Variants in MAN1A1 observed in about 807,000 individuals in gnomAD.
MAN1A1 encodes the protein mannosyl-oligosaccharide 1,2-alpha-mannosidase IA.
Under a neutral mutation model 70.8 loss-of-function variants are expected in MAN1A1, and 29 were observed. The observed-to-expected ratio is 0.41, with a 90% CI of 0.31 to 0.56. MAN1A1 has a LOEUF of 0.56. Among genes scored for constraint, MAN1A1 ranks in the 20% least tolerant of loss-of-function variants. The pLI is 0.29. For synonymous variants in MAN1A1, 349 were observed against 330.1 expected (o/e 1.06, Z -0.62); for missense variants, 747 against 841.3 (o/e 0.89, Z 1.39).
chr6:119,338,137 C>T (rs1773509214), intron 2 of MAN1A1, among the ~76,000 whole-genome samples: 2 of 151,056 alleles, frequency 1.3e-5, no homozygotes, highest in Non-Finnish European at 2.9e-5. Flanking sequence ...TGTCTAACCA[C>T]AATTTATAAA....
chr6:119,223,964 T>C (rs770385829), intron 6 of MAN1A1, among the ~76,000 whole-genome samples: 12 of 152,074 alleles, frequency 7.9e-5, no homozygotes, highest in Non-Finnish European at 1.6e-4. Flanking sequence ...TTAGTAAGAA[T>C]TTGAGTTAAA....
At chr6:119,263,490 G>A (rs528512070) in intron 5 of MAN1A1, among the ~76,000 whole-genome samples, 1 of 152,192 alleles carries the variant, frequency 6.6e-6, no homozygotes, top group East Asian at 1.9e-4. Flanking sequence ...CACAGACACC[G>A]GGGCCTTCTT....
chr6:119,345,971 T>C (rs914056569), intron 2 of MAN1A1, among the ~76,000 whole-genome samples: 1 of 152,130 alleles, frequency 6.6e-6, no homozygotes, highest in Non-Finnish European at 1.5e-5. Flanking sequence ...CTGGGTGTGG[T>C]GGCACGTGCC....
At chr6:119,231,933 T>C (rs960289500) in intron 6 of MAN1A1, among the ~76,000 whole-genome samples, 1 of 152,178 alleles carries the variant, frequency 6.6e-6, no homozygotes, top group African/African-American at 2.4e-5. Flanking sequence ...AGAGAAAGAT[T>C]TTGAACTTTA....
At chr6:119,275,397 C>T (rs1776032186) in intron 5 of MAN1A1, among the ~76,000 whole-genome samples, 1 of 137,218 alleles carries the variant, frequency 7.3e-6, no homozygotes. Context: ...AGCTCCGCCT[C>T]CCGGGTTCAC....
At chr6:119,291,806 A>C (rs1405473070) in intron 4 of MAN1A1, among the ~76,000 whole-genome samples, 1 of 152,030 alleles carries the variant, frequency 6.6e-6, no homozygotes, top group East Asian at 1.9e-4. Flanking sequence ...CATGTATGTT[A>C]TACCATGCTG....
chr6:119,210,122 T>C (rs960165394), intron 6 of MAN1A1, among the ~76,000 whole-genome samples: 1 of 152,154 alleles, frequency 6.6e-6, no homozygotes, highest in African/African-American at 2.4e-5. Flanking sequence ...CTGACTACCT[T>C]GGGCTGTGCG....
rs140372958 is a variant in MAN1A1 at position 119,229,710 on chromosome 6, A to T, written c.992+18550T>A. Among the ~76,000 whole-genome samples, 526 of 152,220 alleles carry T rather than the reference A, an allele frequency of 3.5e-3. 3 individuals carry two copies. The highest frequency in any genetic ancestry group is 0.012 in the African/African-American group (497 of 41,548). On this transcript the variant is annotated intron_variant, in intron 6 of 12. Coordinates refer to ENST00000368468, the MANE Select transcript of MAN1A1 (RefSeq NM_005907.4). ...TTCCTACAGTGCTAATCCCTCTGTC[A>T]TGTTTTCAACTCAGGCAATCCCCTC...
At chr6:119,265,516 A>C (rs1310099995) in intron 5 of MAN1A1, among the ~76,000 whole-genome samples, 1 of 152,198 alleles carries the variant, frequency 6.6e-6, no homozygotes, top group East Asian at 1.9e-4. Context: ...AAAGTTTAAT[A>C]AAAATTTTAA....
At chr6:119,192,744 T>C (rs1203290702) in intron 9 of MAN1A1, among the ~76,000 whole-genome samples, 1 of 152,068 alleles carries the variant, frequency 6.6e-6, no homozygotes, top group African/African-American at 2.4e-5. Context: ...AAAGAATATA[T>C]GTATTACCAC....
At chr6:119,238,002 T>A (rs1249778197) in intron 6 of MAN1A1, among the ~76,000 whole-genome samples, 2 of 152,240 alleles carry the variant, frequency 1.3e-5, no homozygotes, top group East Asian at 3.8e-4. Context: ...AAGACTTACA[T>A]CCCTGCTCTT....
intron 6 of MAN1A1, among the ~76,000 whole-genome samples, chr6:119,209,077 T>A (rs1773970055): frequency 4.4e-5 from 4 of 91,876 alleles, no homozygotes; most frequent in African/African-American, 1.7e-4. Flanking sequence ...GGTGATAGAG[T>A]AAGACCCCGT....
At chr6:119,345,192 G>A (rs539106743) in intron 2 of MAN1A1, among the ~76,000 whole-genome samples, 1 of 101,298 alleles carries the variant, frequency 9.9e-6, no homozygotes, top group Non-Finnish European at 2.0e-5. Context: ...GAGAGGTTGA[G>A]GGGGGGGCGG....
intron 11 of MAN1A1, among the ~76,000 whole-genome samples, chr6:119,183,419 A>T (rs570652223): frequency 6.6e-6 from 1 of 151,862 alleles, no homozygotes; most frequent in East Asian, 1.9e-4. Context: ...TTTTTTTGAC[A>T]AAGAGTCAAA....
At chr6:119,255,652 G>C (rs1775437220) in intron 5 of MAN1A1, among the ~76,000 whole-genome samples, 1 of 152,212 alleles carries the variant, frequency 6.6e-6, no homozygotes, top group Non-Finnish European at 1.5e-5. Context: ...CTGAAGTTCA[G>C]AGAGGGCCTA....
At chr6:119,209,758 C>T (rs2114955831) in intron 6 of MAN1A1, among the ~76,000 whole-genome samples, 1 of 152,254 alleles carries the variant, frequency 6.6e-6, no homozygotes, top group African/African-American at 2.4e-5. Flanking sequence ...CTTAGGACCT[C>T]ACTAAGACCT....
intron 6 of MAN1A1, among the ~76,000 whole-genome samples, chr6:119,239,065 T>C (rs1286728999): frequency 6.6e-6 from 1 of 152,222 alleles, no homozygotes; most frequent in East Asian, 1.9e-4. Flanking sequence ...TAATTTTTTA[T>C]ATTTTTAGTA....
intron 7 of MAN1A1, among the ~76,000 whole-genome samples, chr6:119,201,850 C>G (rs144390788): frequency 3.5e-4 from 54 of 152,194 alleles, no homozygotes; most frequent in Non-Finnish European, 6.9e-4. Context: ...AAAAATGATA[C>G]CTTTCTATAG....
At chr6:119,313,425 A>G (rs999041259) in intron 2 of MAN1A1, among the ~76,000 whole-genome samples, 4 of 152,146 alleles carry the variant, frequency 2.6e-5, no homozygotes, top group African/African-American at 9.7e-5. Flanking sequence ...TTTACCCCAT[A>G]TGAAATTCAA....
Sources: gnomAD v4.1 joint callset for allele counts (sites outside exome capture counted in the v4.1 genomes callset) on GRCh38, gnomAD v4.1.1 for gene constraint, MANE v1.5 for transcripts, NCBI Gene and HGNC (gene_info 2026-07-23, HGNC 2026-07-21) for gene names.